The following GRIN2B variants were observed in gnomAD, a reference collection of about 807,000 sequenced individuals.
GRIN2B encodes the protein glutamate ionotropic receptor NMDA type subunit 2B.
In GRIN2B, 5 loss-of-function variants were observed where a neutral mutation model predicts 114.5. The ratio of observed to expected loss-of-function variants is 0.04; its 90% CI spans 0.02 to 0.09. The LOEUF (loss-of-function observed/expected upper bound fraction) is 0.09, where lower values mean the gene tolerates loss of function less well. Ranked by LOEUF, GRIN2B falls within the 10% of genes least tolerant of loss-of-function variation. GRIN2B has a pLI of 1.00. For missense variants in GRIN2B, 1,108 were observed against 1,943.5 expected, an observed-to-expected ratio of 0.57 and a Z score of 8.08; for synonymous variants, 787 against 745.1, an observed-to-expected ratio of 1.06 and a Z score of -0.92.
At chr12:13,783,850 T>C (rs1381444677) in intron 3 of GRIN2B, among the ~76,000 whole-genome samples, 1 of 151,624 alleles carries the variant, frequency 6.6e-6, no homozygotes. Flanking sequence ...TAGAAGAGGC[T>C]GAGCCTGAGA....
Position 13,560,881 on chromosome 12 carries a change from C to G in GRIN2B, c.*1902G>C, listed in dbSNP as rs1948534749. The G allele has an allele frequency of 6.6e-6, 1 of 152,240 alleles. No individual in the cohort carries two copies. Among genetic ancestry groups the G allele is most frequent in the Non-Finnish European group, 1.5e-5 (1 of 68,126 alleles). 9.4% of individuals were successfully genotyped at this position (152,240 alleles called of 1,614,324 possible). ...AGGGCAAACAGGGGCGAAGAGCAGC[C>G]CTGGAGGGAGTGACTTGAAGAGACA... On this transcript the variant is annotated 3_prime_UTR_variant, in exon 14 of 14. Transcript: ENST00000609686.
At chr12:13,902,280 G>A (rs1866464918) in intron 2 of GRIN2B, among the ~76,000 whole-genome samples, 1 of 151,996 alleles carries the variant, frequency 6.6e-6, no homozygotes, top group South Asian at 2.1e-4. Context: ...AAAAAAATCT[G>A]CCGCATATTA....
intron 5 of GRIN2B, among the ~76,000 whole-genome samples, chr12:13,631,242 T>C (rs1949613284): frequency 6.6e-6 from 1 of 152,114 alleles, no homozygotes; most frequent in Non-Finnish European, 1.5e-5. Context: ...CATCCTCCAC[T>C]GAAGGGCAGG....
At chr12:13,801,629 C>T (rs546527016) in intron 3 of GRIN2B, among the ~76,000 whole-genome samples, 6 of 152,256 alleles carry the variant, frequency 3.9e-5, no homozygotes. Context: ...CCAAAGAATT[C>T]CTTCCGGGTG....
intron 3 of GRIN2B, among the ~76,000 whole-genome samples, chr12:13,861,750 C>G (rs779365105): frequency 2.8e-4 from 42 of 152,186 alleles, no homozygotes; most frequent in Non-Finnish European, 5.3e-4. Context: ...CACCTTTCAA[C>G]CATATGCCCT....
chr12:13,920,475 G>A (rs1229057257), intron 2 of GRIN2B, among the ~76,000 whole-genome samples: 1 of 152,116 alleles, frequency 6.6e-6, no homozygotes, highest in Non-Finnish European at 1.5e-5. Flanking sequence ...AACTGTGCAG[G>A]ATATTGTTTG....
chr12:13,615,150 G>A lies in GRIN2B; in HGVS notation c.1618C>T (p.Arg540Cys). 2 of 1,613,038 alleles carry A rather than the reference G, an allele frequency of 1.2e-6. No individual in the cohort carries two copies. The highest frequency in any genetic ancestry group is 1.7e-6 in the Non-Finnish European group (2 of 1,179,052). ...IETGISVMVS[R>C]SNGTVSPSAF... is the part of the protein sequence containing the mutation. ...GAAGGTGAGACAGTCCCATTGCTGC[G>A]TGACACCATGACACTGATGCCTGTC... Residue 540 changes from arginine (R) to cysteine (C), a missense_variant, in exon 8 of 14, where the codon CGC (arginine) becomes TGC (cysteine). By Grantham distance (180) the Arg-to-Cys change is radical. Around this residue, in one of 19 missense-constraint regions of GRIN2B, gnomAD observed 8 missense variants for 111.7 expected, o/e 0.07. Transcript: ENST00000609686. This position sits in a 1 kb window ranked among gnomAD's most constrained non-coding sequence, Gnocchi z 5.8.
chr12:13,727,564 T>G lies in GRIN2B; in HGVS notation c.1010+25753A>C, dbSNP rs1007830910. On this transcript the variant is annotated intron_variant, in intron 4 of 13. Transcript: ENST00000609686. ...CTCTGGGAAATCTAGTTGTTACAGC[T>G]GAGGGGACCTGCAAATTGTAAGAAA... Among the ~76,000 whole-genome samples the G allele has an allele frequency of 3.9e-5, 6 of 152,346 alleles. No homozygotes were observed. The East Asian group carries it at 1.2e-3, about 29-fold the overall frequency.
At chr12:13,651,255 G>T (rs1302881696) in intron 5 of GRIN2B, among the ~76,000 whole-genome samples, 1 of 152,100 alleles carries the variant, frequency 6.6e-6, no homozygotes, top group African/African-American at 2.4e-5. Context: ...GGCAATGTGG[G>T]CCCAGGAATG....
Position 13,553,275 on chromosome 12 carries a change from T to A in GRIN2B, c.*9508A>T, listed in dbSNP as rs561448801. 3.8e-4 allele frequency: 58 copies of A among 152,340 alleles called. No homozygotes were observed. Among genetic ancestry groups the A allele is most frequent in the African/African-American group, 1.3e-3 (56 of 41,580 alleles). 9.4% of individuals were successfully genotyped at this position (152,340 alleles called of 1,614,324 possible). ...GAGGGCCATAAGGTCAGAAGTGATG[T>A]TGTCTCCCCCTGAGGTAATGAATCC... On this transcript the variant is annotated 3_prime_UTR_variant, in exon 14 of 14. Transcript: ENST00000609686.
chr12:13,952,079 G>A (rs959840152), intron 2 of GRIN2B, among the ~76,000 whole-genome samples: 2 of 151,694 alleles, frequency 1.3e-5, no homozygotes, highest in African/African-American at 4.8e-5. Flanking sequence ...TTTTGGTTGG[G>A]GGTGTGAAGA....
intron 2 of GRIN2B, among the ~76,000 whole-genome samples, chr12:13,948,525 G>A (rs894497425): frequency 3.9e-4 from 59 of 151,980 alleles, no homozygotes; most frequent in African/African-American, 1.2e-3. Context: ...AGAGTCATCC[G>A]GTTCTGCTCT....
chr12:13,978,874 C>T (rs952246648), intron 2 of GRIN2B, among the ~76,000 whole-genome samples: 1 of 152,186 alleles, frequency 6.6e-6, no homozygotes, highest in East Asian at 1.9e-4. Context: ...TTCCATTTCT[C>T]CTGCTATTTC....
chr12:13,578,799 T>C (rs994489340), intron 10 of GRIN2B, among the ~76,000 whole-genome samples: 6 of 152,172 alleles, frequency 3.9e-5, no homozygotes, highest in African/African-American at 1.4e-4. Context: ...AGAACAAGTT[T>C]AGACTGGCTG....
intron 5 of GRIN2B, among the ~76,000 whole-genome samples, chr12:13,623,895 T>C (rs1310416681): frequency 6.6e-6 from 1 of 152,254 alleles, no homozygotes; most frequent in African/African-American, 2.4e-5. Context: ...TAGTATACTT[T>C]TGCATGTAGC....
At chr12:13,881,111 C>T (rs963227157) in intron 2 of GRIN2B, among the ~76,000 whole-genome samples, 3 of 152,208 alleles carry the variant, frequency 2.0e-5, no homozygotes, top group Admixed American at 6.5e-5. Context: ...TTTGCCTCTC[C>T]TACTCCATCC....
At chr12:13,581,017 CTGAGTAGTATTCCATTATG>C (rs1009620348) in intron 10 of GRIN2B, among the ~76,000 whole-genome samples, 1 of 152,180 alleles carries the variant, frequency 6.6e-6, no homozygotes, top group African/African-American at 2.4e-5. Flanking sequence ...CTTCTTATTG[CTGAGTAGTATTCCATTATG>C]TGAATGCACC....
chr12:13,828,750 G>A (rs1251837172), intron 3 of GRIN2B, among the ~76,000 whole-genome samples: 2 of 152,132 alleles, frequency 1.3e-5, no homozygotes, highest in African/African-American at 2.4e-5. Context: ...TATGGTGGGA[G>A]GGTAATTTCA....
intron 2 of GRIN2B, among the ~76,000 whole-genome samples, chr12:13,928,041 G>T (rs1866950828): frequency 6.7e-6 from 1 of 150,110 alleles, no homozygotes; most frequent in Non-Finnish European, 1.5e-5. Flanking sequence ...GCCAGGCGCA[G>T]TGGCACAACC....
Sources: allele counts gnomAD v4.1 joint callset (sites outside exome capture counted in the v4.1 genomes callset), GRCh38; gene constraint gnomAD v4.1.1; regional missense constraint gnomAD v4.1.1; non-coding constraint Gnocchi (gnomAD v3.1); transcripts MANE v1.5; gene names NCBI Gene and HGNC (gene_info 2026-07-23, HGNC 2026-07-21).